LITAF: variants seen among roughly 807,000 people sequenced by gnomAD.
The protein encoded by LITAF is lipopolysaccharide-induced tumor necrosis factor-alpha factor.
LITAF carries 9 observed loss-of-function variants against 14.5 expected under a neutral mutation model. That is an observed-to-expected ratio of 0.62 (90% confidence interval 0.37 to 1.08). The LOEUF (loss-of-function observed/expected upper bound fraction) is 1.08. Among genes scored for constraint, LITAF ranks in the 50% least tolerant of loss-of-function variants. The pLI, the probability that LITAF is intolerant of heterozygous loss-of-function variation, is 0.01. For synonymous variants in LITAF, 98 were observed against 88.2 expected, an observed-to-expected ratio of 1.11 and a Z score of -0.62; for missense variants, 206 against 213.4, an observed-to-expected ratio of 0.97 and a Z score of 0.22.
intron 3 of LITAF, among the ~76,000 whole-genome samples, chr16:11,618,982 TA>T (rs1411165936): frequency 8.3e-5 from 10 of 121,026 alleles, no homozygotes; most frequent in South Asian, 2.7e-4. Context: ...GACTCGGTCT[TA>T]AAAAAAAAAC....
chr16:11,638,348 C>T (rs1417272392), upstream of LITAF, among the ~76,000 whole-genome samples: 3 of 151,748 alleles, frequency 2.0e-5, no homozygotes, highest in Non-Finnish European at 4.4e-5. Flanking sequence ...ATGGTAACAG[C>T]ATGATTTCTT....
chr16:11,575,110 C>CT (rs998580807), intron 1 of LITAF, among the ~76,000 whole-genome samples: 14 of 151,420 alleles, frequency 9.2e-5, no homozygotes, highest in East Asian at 3.9e-4. Context: ...GCCTAAAGTT[C>CT]TTTTTTTTTC....
At chr16:11,615,467 G>A (rs995499126) in intron 3 of LITAF, among the ~76,000 whole-genome samples, 4 of 151,460 alleles carry the variant, frequency 2.6e-5, no homozygotes, top group Non-Finnish European at 4.4e-5. Context: ...AACCTGGGAG[G>A]TGGAGGTTGC....
In LITAF at chr16:11,565,272, G is replaced by A. The variant is rs1019070877; in HGVS notation, c.-5-8537C>T. 1.5e-4 allele frequency among the ~76,000 whole-genome samples: 23 copies of A among 151,740 alleles called. No individual in the cohort carries two copies. In the East Asian group the frequency reaches 3.3e-3, roughly 22 times the overall value. On this transcript the variant is annotated intron_variant, in intron 1 of 3. Transcript: ENST00000622633. ...TAATTTTTATATTTTTAGTAGAGAC[G>A]GGGTTTCACCATGTTGACCAGGCTG...
Position 11,553,639 on chromosome 16 carries a change from G to A in LITAF, c.271C>T (p.Pro91Ser). ...CAGGAAGGACAACACATTTGGATAGGGCGGTCCAAAAAGGTGATGGGGTGC... is the reference window on the plus strand; with the variant it reads ...CAGGAAGGACAACACATTTGGATAGAGCGGTCCAAAAAGGTGATGGGGTGC... ...VQHPITFLDR[P>S]IQMCCPSCNK... Residue 91 changes from proline (P) to serine (S), a missense_variant, in exon 3 of 4, where the codon CCT (proline) becomes TCT (serine). Transcript: ENST00000622633. The surrounding 1 kb of genome is among the most constrained non-coding windows in gnomAD (Gnocchi z 7.7). 1 of 1,614,126 alleles carries A rather than the reference G, an allele frequency of 6.2e-7. No individual in the cohort carries two copies. The highest frequency in any genetic ancestry group is 1.1e-5 in the South Asian group (1 of 91,078).
At chr16:11,574,070 C>T (rs1329248867) in intron 1 of LITAF, among the ~76,000 whole-genome samples, 1 of 149,958 alleles carries the variant, frequency 6.7e-6, no homozygotes, top group Non-Finnish European at 1.5e-5. Context: ...AAGACAGGTT[C>T]TCACTGGGTT....
rs1375636437 is a variant in LITAF, at chr16:11,548,326, G to A, written c.*1311C>T. The A allele has an allele frequency of 2.2e-6, 1 of 454,034 alleles. No homozygotes were observed. The highest frequency in any genetic ancestry group is 2.3e-5 in the Admixed American group (1 of 42,554). 28.1% of individuals were successfully genotyped at this position (454,034 alleles called of 1,614,324 possible). ...ATCCTGGCTTGCTGCTTGAGTCCTA[G>A]AAATCATGTCTTCTCATGTTTTACA... On this transcript the variant is annotated 3_prime_UTR_variant, in exon 4 of 4. Transcript: ENST00000622633.
At position 11,565,738 on chromosome 16, in the gene LITAF, C is replaced by A. The variant is rs2064442122; in HGVS notation, c.-5-9003G>T. On this transcript the variant is annotated intron_variant, in intron 1 of 3. Coordinates refer to ENST00000622633, the MANE Select transcript of LITAF (RefSeq NM_001136472.2). ...TCGTGGCGTCTCCCGCCACACCTGC[C>A]TTGCTTGGATGTTCCCAAACATGTC... is the stretch of plus-strand genomic sequence containing the variant. Among the ~76,000 whole-genome samples, 3 of 152,118 alleles carry A rather than the reference C, an allele frequency of 2.0e-5. No homozygotes were observed. In the South Asian group the frequency reaches 6.2e-4, roughly 32 times the overall value.
chr16:11,569,438 C>T (rs60683166), intron 1 of LITAF, among the ~76,000 whole-genome samples: 6 of 152,064 alleles, frequency 3.9e-5, no homozygotes, highest in Admixed American at 2.6e-4. Context: ...GATGAGGTCT[C>T]GCCATGTTGC....
intron 1 of LITAF, among the ~76,000 whole-genome samples, chr16:11,581,305 T>C (rs1006162337): frequency 6.6e-6 from 1 of 152,042 alleles, no homozygotes; most frequent in Non-Finnish European, 1.5e-5. Context: ...TAAGGTGAAA[T>C]GGAATAGGCA....
Position 11,553,577 on chromosome 16 carries a change from G to GGC in LITAF, c.331_332dup (p.Gly112ProfsTer4), listed in dbSNP as rs1597329269. ...CGCAGGACAGCCAGGTCAGAGCACC[G>GGC]GCGTTATAGGACAGCTGACTCACGA... On this transcript the variant is annotated frameshift_variant, in exon 3 of 4. Transcript: ENST00000622633. LOFTEE classifies it high-confidence loss of function. The surrounding 1 kb of genome is among the most constrained non-coding windows in gnomAD (Gnocchi z 7.7). 4 of 1,614,134 alleles carry GGC rather than the reference G, an allele frequency of 2.5e-6. No individual in the cohort carries two copies. The highest frequency in any genetic ancestry group is 3.4e-6 in the Non-Finnish European group (4 of 1,180,026).
At chr16:11,638,991 G>T (rs2065153970), upstream of LITAF, among the ~76,000 whole-genome samples, 1 of 151,952 alleles carries the variant, frequency 6.6e-6, no homozygotes, top group Admixed American at 6.6e-5. Flanking sequence ...ACAACTTATT[G>T]TGAAATGCAT....
At chr16:11,638,701 CAAAAAAAAAAAAAAAAAAAAAAAAA>C (rs57170972), upstream of LITAF, among the ~76,000 whole-genome samples, 10,498 of 76,072 alleles carry the variant, frequency 0.14, 1,183 homozygotes, top group African/African-American at 0.3. Flanking sequence ...GACTCTGTCT[CAAAAAAAAAAAAAAAAAAAAAAAAA>C]AAAAAAAAAA....
intron 1 of LITAF, among the ~76,000 whole-genome samples, chr16:11,560,568 G>A (rs1478569671): frequency 7.1e-6 from 1 of 141,178 alleles, no homozygotes; most frequent in African/African-American, 2.7e-5. Context: ...GGGCCACAGA[G>A]CGAGATTCCA....
At position 11,628,860 on chromosome 16, in the gene LITAF, G is replaced by A. The variant is rs537277381; in HGVS notation, c.85+4673C>T. On this transcript the variant is annotated intron_variant, in intron 3 of 3. Coordinates refer to the LITAF transcript ENST00000574848. ...CCCAGCTAATTTTTGTATTTTAGTAGAGATGGAGTTTCGCCATATTGGCCA... is the reference window on the plus strand; with the variant it reads ...CCCAGCTAATTTTTGTATTTTAGTAAAGATGGAGTTTCGCCATATTGGCCA... 1.4e-4 allele frequency among the ~76,000 whole-genome samples: 22 copies of A among 152,286 alleles called. 1 individual carries two copies. Among genetic ancestry groups the A allele is most frequent in the South Asian group, 1.0e-3 (5 of 4,824 alleles).
chr16:11,562,057 T>C (rs1052750400), intron 1 of LITAF, among the ~76,000 whole-genome samples: 4 of 151,978 alleles, frequency 2.6e-5, no homozygotes, highest in African/African-American at 9.7e-5. Flanking sequence ...TAGGTGGGAC[T>C]ACAGGTGTGT....
chr16:11,631,628 G>A (rs1199468056), intron 3 of LITAF, among the ~76,000 whole-genome samples: 1 of 152,168 alleles, frequency 6.6e-6, no homozygotes, highest in African/African-American at 2.4e-5. Flanking sequence ...GGGCTCAAAG[G>A]ATTCACCCTC....
At chr16:11,623,256 C>G (rs947858626) in intron 3 of LITAF, among the ~76,000 whole-genome samples, 3 of 151,796 alleles carry the variant, frequency 2.0e-5, no homozygotes, top group Admixed American at 6.6e-5. Context: ...CCACCGCGCC[C>G]GGCCGAATAT....
At chr16:11,551,665 A>AC (rs1300016492) in intron 3 of LITAF, 4 of 548,076 alleles carry the variant, frequency 7.3e-6, no homozygotes, top group African/African-American at 4.6e-5. Context: ...CCACACACAC[A>AC]AAAAAAAAAT....
Sources: allele counts gnomAD v4.1 joint callset (sites outside exome capture counted in the v4.1 genomes callset), GRCh38; gene constraint gnomAD v4.1.1; non-coding constraint Gnocchi (gnomAD v3.1); transcripts MANE v1.5; gene names NCBI Gene and HGNC (gene_info 2026-07-23, HGNC 2026-07-21).